The following RUNX1 variants were observed in gnomAD, a reference collection of about 807,000 sequenced individuals.
The protein encoded by RUNX1 is RUNX family transcription factor 1.
RUNX1 carries 19 observed loss-of-function variants against 42.8 expected under a neutral mutation model. The observed-to-expected ratio is 0.44, with a 90% CI of 0.31 to 0.65. The LOEUF is 0.65. Ranked by LOEUF, RUNX1 falls within the 30% of genes least tolerant of loss-of-function variation. RUNX1 has a pLI of 0.07. For synonymous variants in RUNX1, 271 were observed against 289.4 expected (o/e 0.94, Z 0.64); for missense variants, 528 against 672.0 (o/e 0.79, Z 2.37).
At chr21:34,842,752 C>T (rs932825451) in intron 6 of RUNX1, among the ~76,000 whole-genome samples, 1 of 151,982 alleles carries the variant, frequency 6.6e-6, no homozygotes, top group African/African-American at 2.4e-5. Flanking sequence ...AACATACACA[C>T]GGACACAGCC....
intron 2 of RUNX1, among the ~76,000 whole-genome samples, chr21:34,972,607 T>C (rs1336691995): frequency 6.6e-6 from 1 of 152,220 alleles, no homozygotes; most frequent in Admixed American, 6.5e-5. Flanking sequence ...GTGAATCTTA[T>C]CATAAAATAA....
intron 2 of RUNX1, among the ~76,000 whole-genome samples, chr21:34,962,718 C>T (rs1034860057): frequency 2.6e-5 from 4 of 152,186 alleles, no homozygotes; most frequent in African/African-American, 4.8e-5. Flanking sequence ...CACAGACATA[C>T]GCATTCGCGT....
At chr21:34,925,023 G>A (rs899214711) in intron 2 of RUNX1, among the ~76,000 whole-genome samples, 1 of 151,234 alleles carries the variant, frequency 6.6e-6, no homozygotes, top group Admixed American at 6.6e-5. Context: ...ACCATCACAT[G>A]GGGTGTTAGG....
At chr21:34,983,482 C>T (rs1256777833) in intron 2 of RUNX1, among the ~76,000 whole-genome samples, 1 of 152,182 alleles carries the variant, frequency 6.6e-6, no homozygotes, top group Admixed American at 6.5e-5. Context: ...ATCAGAACAT[C>T]TAACAGCATG....
rs2056438070 is a variant in RUNX1, at chr21:34,791,788, C to T, written c.*347G>A. ...ATAAAATCTTTCTTTTTATTCACAG[C>T]ATTGCTAAATCAGAAGCATTCACAG... On this transcript the variant is annotated 3_prime_UTR_variant, in exon 9 of 9. Transcript: ENST00000675419. The T allele has an allele frequency of 4.4e-6, 1 of 227,694 alleles. No homozygotes were observed. The highest frequency in any genetic ancestry group is 5.7e-5 in the Admixed American group (1 of 17,536). The allele number at this position is 227,694 out of a possible 1,614,324, so 14.1% of individuals were successfully genotyped here.
At chr21:35,033,443 G>A (rs1336286089) in intron 2 of RUNX1, among the ~76,000 whole-genome samples, 1 of 152,192 alleles carries the variant, frequency 6.6e-6, no homozygotes, top group Non-Finnish European at 1.5e-5. Context: ...GGGAGCAAAC[G>A]CAGATGGAGT....
At chr21:34,887,890 C>G in intron 3 of RUNX1, 3 of 1,065,084 alleles carry the variant, frequency 2.8e-6, no homozygotes, top group Non-Finnish European at 3.4e-6. Flanking sequence ...TGAATTCTGT[C>G]AAAACGCTCA....
chr21:34,896,888 T>A (rs1200508401), intron 2 of RUNX1, among the ~76,000 whole-genome samples: 1 of 151,896 alleles, frequency 6.6e-6, no homozygotes, highest in African/African-American at 2.4e-5. Context: ...AGAAAGCGAA[T>A]GGGATGTAGG....
intron 7 of RUNX1, chr21:34,821,323 G>A (rs2056904798): frequency 8.6e-7 from 1 of 1,156,692 alleles, no homozygotes; most frequent in African/African-American, 1.5e-5. Flanking sequence ...TATTGAAAGT[G>A]TACCGGGATC....
intron 2 of RUNX1, among the ~76,000 whole-genome samples, chr21:35,025,653 C>A (rs952004083): frequency 2.0e-5 from 3 of 152,080 alleles, no homozygotes; most frequent in Non-Finnish European, 4.4e-5. Context: ...ATATTTAGGT[C>A]AAGGGGCCTT....
At chr21:34,837,949 A>G (rs1048560049) in intron 6 of RUNX1, among the ~76,000 whole-genome samples, 42 of 152,204 alleles carry the variant, frequency 2.8e-4, no homozygotes, top group Non-Finnish European at 1.2e-4. Context: ...GAATTTTATT[A>G]TGTATGCAGA....
chr21:34,922,080 T>G (rs191360858), intron 2 of RUNX1, among the ~76,000 whole-genome samples: 2 of 152,238 alleles, frequency 1.3e-5, no homozygotes, highest in Non-Finnish European at 2.9e-5. Context: ...TAATAGACAC[T>G]TGATGGCCGC....
At chr21:34,887,258 TG>T in intron 3 of RUNX1, 162 bp from the exon 4 acceptor site, 2 of 261,170 alleles carry the variant, frequency 7.7e-6, no homozygotes, top group African/African-American at 5.9e-5. Context: ...GGGGCGGGGG[TG>T]GTTAGGGGAG....
chr21:35,042,791 G>A (rs1265639304), intron 2 of RUNX1, among the ~76,000 whole-genome samples: 2 of 152,200 alleles, frequency 1.3e-5, no homozygotes, highest in Non-Finnish European at 2.9e-5. Context: ...TCAAGCCACT[G>A]TGGTCAGCTT....
At chr21:34,837,146 G>C (rs540853647) in intron 6 of RUNX1, among the ~76,000 whole-genome samples, 1 of 152,228 alleles carries the variant, frequency 6.6e-6, no homozygotes, top group African/African-American at 2.4e-5. Flanking sequence ...TGCTTTAGCA[G>C]AAGTGTTCAG....
At chr21:34,861,060 T>C (rs1382551754) in intron 5 of RUNX1, among the ~76,000 whole-genome samples, 1 of 152,212 alleles carries the variant, frequency 6.6e-6, no homozygotes, top group Non-Finnish European at 1.5e-5. Context: ...GTGACTTCCA[T>C]GGAGCAGAGC....
chr21:34,931,877 C>T (rs920651854), intron 2 of RUNX1, among the ~76,000 whole-genome samples: 50 of 152,014 alleles, frequency 3.3e-4, no homozygotes, highest in South Asian at 2.1e-4. Context: ...GTGTTCAAAG[C>T]GCCCTGAGAA....
intron 2 of RUNX1, among the ~76,000 whole-genome samples, chr21:35,043,254 G>A (rs1392120287): frequency 3.9e-5 from 6 of 152,174 alleles, no homozygotes; most frequent in Non-Finnish European, 7.3e-5. Flanking sequence ...AGAGGGAAGA[G>A]GTCAAGAAAG....
intron 5 of RUNX1, among the ~76,000 whole-genome samples, chr21:34,862,176 A>G (rs1219809047): frequency 6.6e-6 from 1 of 151,966 alleles, no homozygotes; most frequent in African/African-American, 2.4e-5. Context: ...AAGTTTGGGG[A>G]TGCAATACAA....
Sources: allele counts gnomAD v4.1 joint callset (sites outside exome capture counted in the v4.1 genomes callset), GRCh38; gene constraint gnomAD v4.1.1; transcripts MANE v1.5; gene names NCBI Gene and HGNC (gene_info 2026-07-23, HGNC 2026-07-21).